Variants in STK3 observed in about 807,000 individuals in gnomAD.
STK3 encodes serine/threonine kinase 3.
A neutral mutation model predicts 58.0 loss-of-function variants in STK3; 41 were observed. The ratio of observed to expected loss-of-function variants is 0.71; its 90% CI spans 0.55 to 0.92. STK3 has a LOEUF of 0.92. Among genes scored for constraint, STK3 ranks in the 40% least tolerant of loss-of-function variants. The probability of loss-of-function intolerance (pLI) is 0.00; values close to 1 mark genes in which losing one functional copy is unlikely to be tolerated. For synonymous variants in STK3, 170 were observed against 191.0 expected (o/e 0.89, Z 0.91); for missense variants, 479 against 602.7 (o/e 0.79, Z 2.15).
At chr8:98,808,235 T>C (rs1834005459) in intron 1 of STK3, among the ~76,000 whole-genome samples, 2 of 152,162 alleles carry the variant, frequency 1.3e-5, no homozygotes, top group South Asian at 4.1e-4. Flanking sequence ...TTAAATTATA[T>C]GAAAACATGA....
At chr8:98,933,885 G>A (rs1840097783) in intron 1 of STK3, among the ~76,000 whole-genome samples, 1 of 152,344 alleles carries the variant, frequency 6.6e-6, no homozygotes, top group African/African-American at 2.4e-5. Flanking sequence ...ACAAGGCTCA[G>A]AAGCAAAGTT....
At chr8:98,941,500 A>AAAAGATAAGGTT (rs906367013) in intron 1 of STK3, among the ~76,000 whole-genome samples, 1 of 152,252 alleles carries the variant, frequency 6.6e-6, no homozygotes, top group Admixed American at 6.5e-5. Flanking sequence ...GATCCCTGGA[A>AAAAGATAAGGTT]AAAGATAAGG....
At chr8:98,358,229 T>G in the STK3 span, among the ~76,000 whole-genome samples, 5 of 152,110 alleles carry the variant, frequency 3.3e-5, no homozygotes, top group African/African-American at 1.2e-4. Context: ...TGAAGTGAGG[T>G]ACACGGGCAA....
intron 1 of STK3, among the ~76,000 whole-genome samples, chr8:98,442,219 C>T (rs2131098671): frequency 1.3e-5 from 2 of 152,314 alleles, no homozygotes; most frequent in Middle Eastern, 6.8e-3. Context: ...ATTCAAGCCC[C>T]CAGCCCCTCT....
chr8:98,792,073 C>CT (rs1289638261), intron 1 of STK3, among the ~76,000 whole-genome samples: 1 of 152,124 alleles, frequency 6.6e-6, no homozygotes, highest in Non-Finnish European at 1.5e-5. Context: ...TGACAAAGGA[C>CT]TAATATCCAG....
chr8:98,552,293 G>T (rs887888053), intron 8 of STK3, among the ~76,000 whole-genome samples: 2 of 152,024 alleles, frequency 1.3e-5, no homozygotes, highest in South Asian at 2.1e-4. Context: ...TAGGCAGATT[G>T]ATCCCTTCAG....
the STK3 span, among the ~76,000 whole-genome samples, chr8:98,365,460 C>T: frequency 6.6e-6 from 1 of 152,216 alleles, no homozygotes; most frequent in Non-Finnish European, 1.5e-5. Flanking sequence ...GAGAGTGAGA[C>T]AGAGTGACCC....
intron 1 of STK3, among the ~76,000 whole-genome samples, chr8:98,932,769 CCTGGG>C (rs1840046270): frequency 6.6e-6 from 1 of 152,114 alleles, no homozygotes; most frequent in Non-Finnish European, 1.5e-5. Context: ...AAAGTTAGGC[CCTGGG>C]AGGACAGCTG....
At chr8:98,704,443 G>A (rs1374019074) in intron 6 of STK3, among the ~76,000 whole-genome samples, 1 of 151,986 alleles carries the variant, frequency 6.6e-6, no homozygotes, top group African/African-American at 2.4e-5. Flanking sequence ...GGACTGTGAA[G>A]AAATTGCCTA....
At chr8:98,899,464 C>T (rs1838577309) in intron 1 of STK3, among the ~76,000 whole-genome samples, 1 of 152,006 alleles carries the variant, frequency 6.6e-6, no homozygotes. Flanking sequence ...TTGTGATTTC[C>T]TAAACAATAC....
chr8:98,655,230 G>A (rs574989537), intron 6 of STK3, among the ~76,000 whole-genome samples: 1 of 152,212 alleles, frequency 6.6e-6, no homozygotes, highest in South Asian at 2.1e-4. Flanking sequence ...AACAAGCAAT[G>A]GGGAAAGGAT....
downstream of STK3, among the ~76,000 whole-genome samples, chr8:98,400,467 A>G (rs1817932015): frequency 6.6e-6 from 1 of 152,144 alleles, no homozygotes; most frequent in Admixed American, 6.5e-5. Flanking sequence ...TCTGTCCTGA[A>G]CGTCTCAGCT....
At chr8:98,413,539 T>C (rs1818078828) in intron 3 of STK3, 1 of 651,318 alleles carries the variant, frequency 1.5e-6, no homozygotes, top group East Asian at 3.5e-5. Context: ...ACTTCAACTG[T>C]GACATCATCT....
intron 3 of STK3, among the ~76,000 whole-genome samples, chr8:98,406,042 C>T (rs962811044): frequency 2.0e-5 from 3 of 152,098 alleles, no homozygotes; most frequent in Non-Finnish European, 2.9e-5. Flanking sequence ...TCTTTTTAAC[C>T]ATCTGAATTT....
chr8:98,672,253 T>TGGGTGTGGG (rs1315338159), intron 6 of STK3, among the ~76,000 whole-genome samples: 1 of 104,044 alleles, frequency 9.6e-6, no homozygotes, highest in East Asian at 3.0e-4. Context: ...TGGTGGGCGG[T>TGGGTGTGGG]GGGTGTGGGG....
At chr8:98,839,641 T>C (rs1387111806) in intron 3 of STK3, among the ~76,000 whole-genome samples, 2 of 152,208 alleles carry the variant, frequency 1.3e-5, no homozygotes, top group Non-Finnish European at 2.9e-5. Flanking sequence ...AATTTTTTGC[T>C]TAATAAAGTG....
At chr8:98,404,669 G>C (rs1326838983) in intron 3 of STK3, among the ~76,000 whole-genome samples, 1 of 102,636 alleles carries the variant, frequency 9.7e-6, no homozygotes, top group Non-Finnish European at 1.8e-5. Context: ...GAAAGAGCAA[G>C]TCTCTGTCTC....
At chr8:98,742,962 A>C (rs1215407454) in intron 4 of STK3, among the ~76,000 whole-genome samples, 1 of 151,998 alleles carries the variant, frequency 6.6e-6, no homozygotes, top group African/African-American at 2.4e-5. Flanking sequence ...CCAAATCATG[A>C]GTGAATTCCC....
chr8:98,914,459 C>G (rs1839264126), intron 1 of STK3, among the ~76,000 whole-genome samples: 1 of 122,784 alleles, frequency 8.1e-6, no homozygotes, highest in Non-Finnish European at 1.6e-5. Flanking sequence ...CAAGCACATG[C>G]CTACACACAC....
Sources: gnomAD v4.1 joint callset for allele counts (sites outside exome capture counted in the v4.1 genomes callset) on GRCh38, gnomAD v4.1.1 for gene constraint, MANE v1.5 for transcripts, NCBI Gene and HGNC (gene_info 2026-07-23, HGNC 2026-07-21) for gene names.